The following LEPR variants were observed in gnomAD, a reference collection of about 807,000 sequenced individuals.
The protein encoded by LEPR is OB receptor.
LEPR carries 56 observed loss-of-function variants against 114.7 expected under a neutral mutation model. The ratio of observed to expected loss-of-function variants is 0.49; its 90% confidence interval spans 0.39 to 0.61. The LOEUF (loss-of-function observed/expected upper bound fraction) is 0.61, where lower values mean the gene tolerates loss of function less well. Among genes scored for constraint, LEPR ranks in the 20% least tolerant of loss-of-function variants. LEPR has a pLI of 0.00. For synonymous variants in LEPR, 443 were observed against 461.4 expected (o/e 0.96, Z 0.51); for missense variants, 1,202 against 1,352.9 (o/e 0.89, Z 1.75).
At chr1:65,423,112 C>T (rs1238884405) in intron 1 of LEPR, among the ~76,000 whole-genome samples, 10 of 152,092 alleles carry the variant, frequency 6.6e-5, no homozygotes, top group South Asian at 2.1e-4. Flanking sequence ...TGGTTTTACA[C>T]GTGTTACACA....
chr1:65,536,210 C>T (rs1193649475), intron 2 of LEPR, among the ~76,000 whole-genome samples: 1 of 152,100 alleles, frequency 6.6e-6, no homozygotes, highest in East Asian at 1.9e-4. Context: ...TCTATTAGTT[C>T]CTGTGAGCAC....
chr1:65,596,459 C>T lies in LEPR; in HGVS notation c.715C>T (p.Pro239Ser). 20 of 1,612,546 alleles carry T rather than the reference C, an allele frequency of 1.2e-5. No individual in the cohort carries two copies. The highest frequency in any genetic ancestry group is 1.7e-5 in the Non-Finnish European group (20 of 1,179,080). The change falls in exon 7 of 20, where the codon CCA becomes TCA. Residue 239 changes from proline to serine, a missense_variant. Transcript: ENST00000349533. ...TTTTTTTCCTTAAGTGAAGCCTGATCCACCATTAGGTTTGCATATGGAAAT... is the reference window on the plus strand; with the variant it reads ...TTTTTTTCCTTAAGTGAAGCCTGATTCACCATTAGGTTTGCATATGGAAAT... ...VQPINMVKPDPPLGLHMEITD... is the reference protein window; with the variant it reads ...VQPINMVKPDSPLGLHMEITD...
rs3762274 is a variant in LEPR at position 65,598,430 on chromosome 1, T to C, written c.850-230T>C. Reference sequence around the variant, plus strand: ...ATCATGATTCAATTAACAGTATTTGTTAATTATCATTATGATTTTTTCTTG... The same window carrying C: ...ATCATGATTCAATTAACAGTATTTGCTAATTATCATTATGATTTTTTCTTG... On this transcript the variant is annotated intron_variant, in intron 7 of 19. Transcript: ENST00000349533. Among the ~76,000 whole-genome samples the C allele has an allele frequency of 0.47, 70,845 of 151,858 alleles. 17,765 individuals are homozygous for C. The highest frequency in any genetic ancestry group is 0.88 in the East Asian group (4,568 of 5,174).
chr1:65,609,440 A>G (rs72641129), intron 12 of LEPR, among the ~76,000 whole-genome samples: 30,802 of 152,210 alleles, frequency 0.2, 4,372 homozygotes, highest in East Asian at 0.78. Flanking sequence ...GGCATTCCAC[A>G]TCAGCTTTGT....
intron 2 of LEPR, among the ~76,000 whole-genome samples, chr1:65,449,506 A>G (rs951148502): frequency 2.0e-5 from 3 of 151,944 alleles, no homozygotes; most frequent in Non-Finnish European, 4.4e-5. Flanking sequence ...TGGGCAGGAC[A>G]TCAGAGGACT....
chr1:65,613,759 CAAAA>C (rs754145031), intron 14 of LEPR, among the ~76,000 whole-genome samples: 6 of 32,286 alleles, frequency 1.9e-4, no homozygotes, highest in African/African-American at 3.6e-4. Flanking sequence ...GACTCCGTCT[CAAAA>C]AAAAAAAAAA....
chr1:65,470,154 A>G (rs980808369), intron 2 of LEPR, among the ~76,000 whole-genome samples: 13 of 152,212 alleles, frequency 8.5e-5, no homozygotes, highest in Non-Finnish European at 1.9e-4. Context: ...AGCTGACCAC[A>G]TTCCTCCCTA....
At chr1:65,531,012 G>A (rs1195170187) in intron 2 of LEPR, among the ~76,000 whole-genome samples, 10 of 152,062 alleles carry the variant, frequency 6.6e-5, no homozygotes, top group Admixed American at 4.6e-4. Context: ...AATGCATGTC[G>A]GATCATGTCA....
chr1:65,614,278 C>T (rs892702878), intron 14 of LEPR, among the ~76,000 whole-genome samples: 2 of 152,188 alleles, frequency 1.3e-5, no homozygotes, highest in Non-Finnish European at 2.9e-5. Context: ...CAAAACTCCT[C>T]GAACTTCATA....
At chr1:65,631,011 C>G (rs1042497755) in intron 19 of LEPR, among the ~76,000 whole-genome samples, 3 of 151,992 alleles carry the variant, frequency 2.0e-5, no homozygotes, top group Non-Finnish European at 4.4e-5. Flanking sequence ...ATCTGGTAAT[C>G]CTTTGTTTTC....
At chr1:65,567,605 T>TATC (rs1653861418) in intron 3 of LEPR, among the ~76,000 whole-genome samples, 1 of 152,230 alleles carries the variant, frequency 6.6e-6, no homozygotes, top group Non-Finnish European at 1.5e-5. Context: ...TATTAATTTA[T>TATC]ATCTATAGAA....
At chr1:65,514,916 G>T (rs959150569) in intron 2 of LEPR, among the ~76,000 whole-genome samples, 1 of 152,132 alleles carries the variant, frequency 6.6e-6, no homozygotes, top group Admixed American at 6.5e-5. Context: ...TTGCCCTCAG[G>T]GCATTTATAT....
intron 2 of LEPR, among the ~76,000 whole-genome samples, chr1:65,486,026 T>C (rs1286798309): frequency 1.3e-5 from 2 of 152,160 alleles, no homozygotes; most frequent in East Asian, 1.9e-4. Context: ...CTGAATTACT[T>C]TGGTAATATT....
chr1:65,510,702 A>G lies in LEPR; in HGVS notation c.-20-54844A>G, dbSNP rs992247847. Among the ~76,000 whole-genome samples the G allele has an allele frequency of 2.0e-5, 3 of 152,306 alleles. No homozygotes were observed. The South Asian group carries it at 6.2e-4, about 32-fold the overall frequency. On this transcript the variant is annotated intron_variant, in intron 2 of 19. Coordinates refer to ENST00000349533, the MANE Select transcript of LEPR (RefSeq NM_002303.6). Reference sequence around the variant, plus strand: ...GGATTGAATTCAGGCTCTGAAGATTAAGAGAGCTATCCCACGTTAGCGGGA... The same window carrying G: ...GGATTGAATTCAGGCTCTGAAGATTGAGAGAGCTATCCCACGTTAGCGGGA...
At chr1:65,616,390 A>T (rs1368703223) in intron 15 of LEPR, among the ~76,000 whole-genome samples, 166 bp downstream of exon 15, 1 of 152,178 alleles carries the variant, frequency 6.6e-6, no homozygotes, top group Non-Finnish European at 1.5e-5. Flanking sequence ...AGTACATTGT[A>T]CAATGATCAC....
At chr1:65,609,239 T>G (rs1218011185) in intron 12 of LEPR, among the ~76,000 whole-genome samples, 1 of 152,168 alleles carries the variant, frequency 6.6e-6, no homozygotes, top group Non-Finnish European at 1.5e-5. Flanking sequence ...TTTGGAGAGG[T>G]CCTTCATTAA....
At chr1:65,626,844 A>G (rs1383497331) in intron 19 of LEPR, among the ~76,000 whole-genome samples, 1 of 152,106 alleles carries the variant, frequency 6.6e-6, no homozygotes, top group Non-Finnish European at 1.5e-5. Flanking sequence ...CATGTTGCCC[A>G]GGCTGGTCTC....
At chr1:65,493,402 A>C (rs530164864) in intron 2 of LEPR, among the ~76,000 whole-genome samples, 1 of 152,190 alleles carries the variant, frequency 6.6e-6, no homozygotes, top group South Asian at 2.1e-4. Context: ...TTACAGGGTA[A>C]GGTCTTGCTT....
chr1:65,488,250 TTC>T lies in LEPR; in HGVS notation c.-21+62874_-21+62875del, dbSNP rs1305860425. Among the ~76,000 whole-genome samples, 3 of 140,256 alleles carry T rather than the reference TTC, an allele frequency of 2.1e-5. No homozygotes were observed. The Admixed American group carries it at 2.2e-4, about 10-fold the overall frequency. The allele number at this position is 140,256 out of a possible 152,430, so 92.0% of individuals were successfully genotyped here. Reference sequence around the variant, plus strand: ...TCTCTTTCTTTCTTTCTTTCTTTCTTTCTTTCTTTTCTTTCTCTTTCCTCTTT... The same window carrying T: ...TCTCTTTCTTTCTTTCTTTCTTTCTTTTTCTTTTCTTTCTCTTTCCTCTTT... On this transcript the variant is annotated intron_variant, in intron 2 of 19. Coordinates refer to ENST00000349533, the MANE Select transcript of LEPR (RefSeq NM_002303.6).
Sources: allele counts gnomAD v4.1 joint callset (sites outside exome capture counted in the v4.1 genomes callset), GRCh38; gene constraint gnomAD v4.1.1; transcripts MANE v1.5; gene names NCBI Gene and HGNC (gene_info 2026-07-23, HGNC 2026-07-21).